The following ADCY2 variants were observed in gnomAD, a reference collection of about 807,000 sequenced individuals.
ADCY2 encodes the protein adenylate cyclase 2.
Under a neutral mutation model 125.2 loss-of-function variants are expected in ADCY2, and 31 were observed. That is an observed-to-expected ratio of 0.25 (90% confidence interval 0.19 to 0.33). ADCY2 has a LOEUF of 0.33. Among genes scored for constraint, ADCY2 ranks in the 10% least tolerant of loss-of-function variants. The probability of loss-of-function intolerance (pLI) is 1.00; values close to 1 mark genes in which losing one functional copy is unlikely to be tolerated. For missense variants in ADCY2, 904 were observed against 1,418.2 expected, an observed-to-expected ratio of 0.64 and a Z score of 5.82; for synonymous variants, 512 against 548.4, an observed-to-expected ratio of 0.93 and a Z score of 0.93.
At chr5:7,677,334 C>T (rs1740165924) in intron 4 of ADCY2, among the ~76,000 whole-genome samples, 1 of 152,110 alleles carries the variant, frequency 6.6e-6, no homozygotes, top group African/African-American at 2.4e-5. Context: ...CTTGGTTCCA[C>T]CAAGCCTTTG....
At chr5:7,822,479 C>T (rs1382756211) in intron 24 of ADCY2, among the ~76,000 whole-genome samples, 1 of 152,256 alleles carries the variant, frequency 6.6e-6, no homozygotes, top group Non-Finnish European at 1.5e-5. Context: ...TCTAGCAACA[C>T]AGAATGTGTT....
At chr5:7,608,546 A>G (rs1737464208) in intron 3 of ADCY2, among the ~76,000 whole-genome samples, 1 of 152,346 alleles carries the variant, frequency 6.6e-6, no homozygotes. Flanking sequence ...ACTCCCCTCC[A>G]GCCTGGGCAA....
At chr5:7,775,676 C>T (rs1411771644) in intron 18 of ADCY2, among the ~76,000 whole-genome samples, 2 of 152,226 alleles carry the variant, frequency 1.3e-5, no homozygotes, top group Non-Finnish European at 2.9e-5. Context: ...CAGGCATAAG[C>T]CACCGCACCC....
At chr5:7,800,270 A>T (rs1375567134) in intron 20 of ADCY2, 2 of 152,226 alleles carry the variant, frequency 1.3e-5, no homozygotes, top group African/African-American at 4.8e-5. Context: ...AGCGCTCAGT[A>T]AGTGCTGGCT....
At chr5:7,427,176 T>C (rs7710510) in intron 2 of ADCY2, among the ~76,000 whole-genome samples, 114,938 of 152,060 alleles carry the variant, frequency 0.76, 43,862 homozygotes, top group Non-Finnish European at 0.81. Context: ...CTTGCAGCTG[T>C]GATACTCCAA....
At chr5:7,814,657 T>C (rs1046574087) in intron 22 of ADCY2, among the ~76,000 whole-genome samples, 1 of 152,186 alleles carries the variant, frequency 6.6e-6, no homozygotes, top group Non-Finnish European at 1.5e-5. Flanking sequence ...AGCTTTTCTC[T>C]ACCTTGCTGT....
rs973736856 is a variant in ADCY2 at position 7,433,372 on chromosome 5, G to T, written c.408+18602G>T. Among the ~76,000 whole-genome samples, 12 of 152,084 alleles carry T rather than the reference G, an allele frequency of 7.9e-5. No homozygotes were observed. The South Asian group carries it at 2.5e-3, about 32-fold the overall frequency. Reference sequence around the variant, plus strand: ...AGTTGCTGAGTTTTAAAAAAATTCAGTCTCTCTTCAATGTCTTTAACTTAA... The same window carrying T: ...AGTTGCTGAGTTTTAAAAAAATTCATTCTCTCTTCAATGTCTTTAACTTAA... On this transcript the variant is annotated intron_variant, in intron 2 of 24. Transcript: ENST00000338316.
intron 12 of ADCY2, among the ~76,000 whole-genome samples, chr5:7,717,975 A>C (rs1741643833): frequency 6.6e-6 from 1 of 152,130 alleles, no homozygotes; most frequent in Non-Finnish European, 1.5e-5. Context: ...GGTCCAAATG[A>C]AAAGCCTTCA....
At chr5:7,428,471 A>G (rs944974169) in intron 2 of ADCY2, among the ~76,000 whole-genome samples, 3 of 152,228 alleles carry the variant, frequency 2.0e-5, no homozygotes, top group African/African-American at 7.2e-5. Flanking sequence ...TTCAGCTTCC[A>G]TTTTAAAGAA....
Position 7,396,658 on chromosome 5 carries a change from C to G in ADCY2, c.210+152C>G. 1 of 471,158 alleles carries G rather than the reference C, an allele frequency of 2.1e-6. No homozygotes were observed. Among genetic ancestry groups the G allele is most frequent in the Non-Finnish European group, 3.2e-6 (1 of 309,236 alleles). The allele number at this position is 471,158 out of a possible 1,614,324, so 29.2% of individuals were successfully genotyped here. ...CCTCGGCCCGCGGCTCCCTGCTTCT[C>G]CTGCTGGCCCGCGGCCCGGTGGACT... On this transcript the variant is annotated intron_variant, in intron 1 of 24. Coordinates refer to ENST00000338316, the MANE Select transcript of ADCY2 (RefSeq NM_020546.3). The surrounding 1 kb of genome is among the most constrained non-coding windows in gnomAD (Gnocchi z 5.7).
chr5:7,611,973 A>T (rs962418596), intron 3 of ADCY2, among the ~76,000 whole-genome samples: 14 of 152,240 alleles, frequency 9.2e-5, no homozygotes, highest in African/African-American at 2.9e-4. Flanking sequence ...ACATGGTAAA[A>T]GTCTCAGAGT....
At chr5:7,400,976 C>A (rs552770645) in intron 1 of ADCY2, among the ~76,000 whole-genome samples, 1 of 152,290 alleles carries the variant, frequency 6.6e-6, no homozygotes, top group South Asian at 2.1e-4. Flanking sequence ...ACCTTCCTTT[C>A]CCATTTTGAA....
intron 24 of ADCY2, among the ~76,000 whole-genome samples, chr5:7,824,963 C>A (rs1229839253): frequency 1.3e-5 from 2 of 152,226 alleles, no homozygotes; most frequent in African/African-American, 2.4e-5. Context: ...ACGGCCCCCA[C>A]CTTTGCACCT....
chr5:7,614,274 C>T lies in ADCY2; in HGVS notation c.571-11893C>T, dbSNP rs748294803. ...TTTTAAAGTTTGGTCAGCCCTCCTA[C>T]GACTAAGAACCTCCATCTCTCTATC... is the stretch of plus-strand genomic sequence containing the variant. On this transcript the variant is annotated intron_variant, in intron 3 of 24. Transcript: ENST00000338316. 7.9e-5 allele frequency among the ~76,000 whole-genome samples: 12 copies of T among 152,230 alleles called. No homozygotes were observed. The South Asian group carries it at 1.5e-3, about 18-fold the overall frequency.
Position 7,512,585 on chromosome 5 carries a change from A to G in ADCY2, c.409-8153A>G, listed in dbSNP as rs1329833966. ...CAGAGATTCATTGGAGTTGGGGCAT[A>G]AAATATTCCTTGTGAAAATTGCATC... On this transcript the variant is annotated intron_variant, in intron 2 of 24. Coordinates refer to ENST00000338316, the MANE Select transcript of ADCY2 (RefSeq NM_020546.3). 2.0e-5 allele frequency among the ~76,000 whole-genome samples: 3 copies of G among 152,196 alleles called. No homozygotes were observed. The East Asian group carries it at 5.8e-4, about 29-fold the overall frequency.
intron 2 of ADCY2, among the ~76,000 whole-genome samples, chr5:7,493,017 T>C (rs1486056064): frequency 2.6e-5 from 4 of 152,160 alleles, no homozygotes; most frequent in Non-Finnish European, 4.4e-5. Flanking sequence ...CTGAGCTATG[T>C]CCTGGGAAGA....
At chr5:7,706,993 G>T (rs1741286242) in intron 8 of ADCY2, 91 bp downstream of exon 8, 3 of 1,506,772 alleles carry the variant, frequency 2.0e-6, no homozygotes, top group South Asian at 2.5e-5. Flanking sequence ...CTCAGTTTTT[G>T]ATCACTTCTG....
chr5:7,671,319 A>C (rs1335434056), intron 4 of ADCY2, among the ~76,000 whole-genome samples: 1 of 152,230 alleles, frequency 6.6e-6, no homozygotes, highest in Non-Finnish European at 1.5e-5. Context: ...GGGGCATTTC[A>C]CTACTAATTT....
intron 17 of ADCY2, among the ~76,000 whole-genome samples, chr5:7,768,835 C>T (rs1007127116): frequency 6.6e-6 from 1 of 152,170 alleles, no homozygotes; most frequent in African/African-American, 2.4e-5. Context: ...TCCTGGCCAG[C>T]GTTGCCAAGG....
Sources: allele counts gnomAD v4.1 joint callset (sites outside exome capture counted in the v4.1 genomes callset), GRCh38; gene constraint gnomAD v4.1.1; non-coding constraint Gnocchi (gnomAD v3.1); transcripts MANE v1.5; gene names NCBI Gene and HGNC (gene_info 2026-07-23, HGNC 2026-07-21).